The following PSG4 variants were observed in gnomAD, a reference collection of about 807,000 sequenced individuals.
PSG4 encodes the protein pregnancy-specific beta-1-glycoprotein 4.
In PSG4, 61 loss-of-function variants were observed where a neutral mutation model predicts 44.3. The observed-to-expected ratio is 1.38, with a 90% CI of 1.12 to 1.70. The LOEUF is 1.70. PSG4 is among the 40% of genes most tolerant of loss of function. PSG4 has a pLI of 0.00. For synonymous variants in PSG4, 248 were observed against 191.3 expected (o/e 1.30, Z -2.45); for missense variants, 677 against 511.7 (o/e 1.32, Z -3.12).
At chr19:43,200,767 G>T (rs1356442238) in intron 2 of PSG4, among the ~76,000 whole-genome samples, 1 of 145,378 alleles carries the variant, frequency 6.9e-6, no homozygotes, top group Non-Finnish European at 1.5e-5. Context: ...AGTAGAGACG[G>T]GGTTTCACCA....
At chr19:43,202,351 G>A (rs36073871) in intron 2 of PSG4, among the ~76,000 whole-genome samples, 35,762 of 141,106 alleles carry the variant, frequency 0.25, 6,760 homozygotes, top group African/African-American at 0.29. Flanking sequence ...TGGCCAAAGA[G>A]CTTCAGAGTT....
Position 43,197,703 on chromosome 19 carries a change from G to C in PSG4, c.709+294C>G, listed in dbSNP as rs1050930866. The C allele has an allele frequency of 1.8e-5, 10 of 542,060 alleles. 1 individual carries two copies. Among genetic ancestry groups the C allele is most frequent in the Non-Finnish European group, 2.7e-5 (9 of 336,962 alleles). 33.6% of individuals were successfully genotyped at this position (542,060 alleles called of 1,614,324 possible). A position where few individuals can be genotyped will look rare whatever the true frequency, so the allele number is the denominator to read the frequency against. ...CTGTGAGCCAAGTCGCAACACTGAAGTCCCAGCCAAATCCCCGCTGTGTTC... is the reference window on the plus strand; with the variant it reads ...CTGTGAGCCAAGTCGCAACACTGAACTCCCAGCCAAATCCCCGCTGTGTTC... On this transcript the variant is annotated intron_variant, in intron 3 of 5. Coordinates refer to ENST00000405312, the MANE Select transcript of PSG4 (RefSeq NM_002780.5).
rs1011807943 is a variant in PSG4 at position 43,200,139 on chromosome 19, C to T, written c.431-1864G>A. Among the ~76,000 whole-genome samples the T allele has an allele frequency of 2.7e-5, 4 of 145,548 alleles. 2 individuals carry two copies. Among genetic ancestry groups the T allele is most frequent in the African/African-American group, 5.3e-5 (2 of 37,932 alleles). On this transcript the variant is annotated intron_variant, in intron 2 of 5. Transcript: ENST00000405312. ...TTTCTGTTAAGCTCAGGAAATACCA[C>T]TAAAGTTTAAGTTTGTGTGAAATAG...
chr19:43,193,672 T>G (rs117906102), intron 5 of PSG4: 1 of 554,940 alleles, frequency 1.8e-6, no homozygotes, highest in Non-Finnish European at 3.2e-6. Flanking sequence ...GATTAAACTT[T>G]TACAAAACCC....
chr19:43,204,209 A>G lies in PSG4; in HGVS notation c.107T>C (p.Val36Ala), dbSNP rs773043844. ...TTTGGGTGGCTGGGCTTCAATCGTG[A>G]CTTGGGCAGTTGTGGGCGGATTCCA... ...NFWNPPTTAQ[V>A]TIEAQPPKVS... The change falls in exon 2 of 6, where the codon GTC becomes GCC. Residue 36 changes from valine to alanine, a missense_variant. Physicochemically the swap from Val to Ala is moderately conservative, Grantham distance 64. Coordinates refer to ENST00000405312, the MANE Select transcript of PSG4 (RefSeq NM_002780.5). 2 of 1,582,894 alleles carry G rather than the reference A, an allele frequency of 1.3e-6. No homozygotes were observed. The highest frequency in any genetic ancestry group is 2.2e-5 in the South Asian group (2 of 89,604).
rs764077483 is a variant in PSG4 at position 43,203,967 on chromosome 19, C to T, written c.349G>A (p.Ala117Thr). 1.1e-5 allele frequency: 17 copies of T among 1,587,564 alleles called. 1 individual carries two copies. The highest frequency in any genetic ancestry group is 1.4e-5 in the Non-Finnish European group (16 of 1,171,658). ...LLIQNVTQED[A>T]GSYTLHIIKR... is the part of the protein sequence containing the mutation. ...ATGATGTGTAAGGTGTAGGATCCTG[C>T]ATCCTCCTGCGTGACATTCTGGATC... is the stretch of plus-strand genomic sequence containing the variant. The change falls in exon 2 of 6, where the codon GCA becomes ACA. Residue 117 changes from alanine to threonine, a missense_variant. Physicochemically the swap from Ala to Thr is moderately conservative, Grantham distance 58. Transcript: ENST00000405312.
intron 2 of PSG4, among the ~76,000 whole-genome samples, chr19:43,200,264 C>A (rs1423246682): frequency 1.4e-5 from 2 of 144,842 alleles, no homozygotes; most frequent in Non-Finnish European, 3.0e-5. Flanking sequence ...TTGTATGTGG[C>A]ACAGGCAGTA....
In PSG4 at chr19:43,203,949, G is replaced by T; in HGVS notation, c.367C>A (p.His123Asn). Residue 123 changes from histidine to asparagine, a missense_variant, in exon 2 of 6, where the codon CAC becomes AAC. Coordinates refer to ENST00000405312, the MANE Select transcript of PSG4 (RefSeq NM_002780.5). ...GTCCCATCGCGTCGCTTTATGATGTGTAAGGTGTAGGATCCTGCATCCTCC... is the reference window on the plus strand; with the variant it reads ...GTCCCATCGCGTCGCTTTATGATGTTTAAGGTGTAGGATCCTGCATCCTCC... ...TQEDAGSYTL[H>N]IIKRRDGTGG... 6.3e-7 allele frequency: 1 copy of T among 1,587,240 alleles called. No homozygotes were observed. The highest frequency in any genetic ancestry group is 1.1e-5 in the South Asian group (1 of 89,898).
intron 3 of PSG4, 71 bp from the exon 4 acceptor site, chr19:43,195,344 G>C: frequency 6.4e-7 from 1 of 1,573,462 alleles, no homozygotes; most frequent in Non-Finnish European, 8.6e-7. Flanking sequence ...ACTTCAATCA[G>C]AGTTGGCATC....
intron 2 of PSG4, among the ~76,000 whole-genome samples, chr19:43,199,454 A>G (rs1411537185): frequency 6.9e-6 from 1 of 145,754 alleles, no homozygotes; most frequent in Non-Finnish European, 1.5e-5. Flanking sequence ...AGGTTAAAAC[A>G]AAGTGTTTTC....
intron 5 of PSG4, 83 bp downstream of exon 5, chr19:43,194,256 TA>T (rs1967127654): frequency 4.4e-6 from 7 of 1,606,220 alleles, no homozygotes; most frequent in Middle Eastern, 2.1e-4. Context: ...AGGCTGGGAA[TA>T]AAAATGTTTT....
At position 43,193,625 on chromosome 19, in the gene PSG4, G is replaced by T. The variant is rs566663696; in HGVS notation, c.1244-237C>A. 8.7e-6 allele frequency: 5 copies of T among 575,688 alleles called. No homozygotes were observed. In the Admixed American group the frequency reaches 9.6e-5, roughly 11 times the overall value. 35.7% of individuals were successfully genotyped at this position (575,688 alleles called of 1,614,324 possible). On this transcript the variant is annotated intron_variant, in intron 5 of 5. Transcript: ENST00000405312. ...AATAGACCATGTAGGCGCTCTTTTA[G>T]AATTTTATTTGCTCTAAGTTTTTAT...
In PSG4 at chr19:43,193,018, G is replaced by A. The variant is rs553044366; in HGVS notation, c.*354C>T. ...TTGTTACCCTCAGAAGCTACTACAT[G>A]TGAAATTCTAATGACTGCATTATCC... On this transcript the variant is annotated 3_prime_UTR_variant, in exon 6 of 6. Coordinates refer to ENST00000405312, the MANE Select transcript of PSG4 (RefSeq NM_002780.5). The A allele has an allele frequency of 2.2e-5, 12 of 556,820 alleles. No individual in the cohort carries two copies. In the South Asian group the frequency reaches 2.4e-4, roughly 11 times the overall value. 34.5% of individuals were successfully genotyped at this position (556,820 alleles called of 1,614,324 possible).
In PSG4 at chr19:43,203,177, C is replaced by G. The variant is rs575345384; in HGVS notation, c.430+709G>C. 3 of 146,914 alleles carry G rather than the reference C, an allele frequency of 2.0e-5. 1 individual carries two copies. Among genetic ancestry groups the G allele is most frequent in the Non-Finnish European group, 4.4e-5 (3 of 67,874 alleles). 9.1% of individuals were successfully genotyped at this position (146,914 alleles called of 1,614,324 possible). A position where few individuals can be genotyped will look rare whatever the true frequency, so the allele number is the denominator to read the frequency against. On this transcript the variant is annotated intron_variant, in intron 2 of 5. Coordinates refer to ENST00000405312, the MANE Select transcript of PSG4 (RefSeq NM_002780.5). ...CACCTTTACATCAGATCCCTGTGGA[C>G]AATCTGCTACCAGGTACATCTTCTC...
At position 43,196,324 on chromosome 19, in the gene PSG4, G is replaced by A. The variant is rs1167276421; in HGVS notation, c.710-1051C>T. On this transcript the variant is annotated intron_variant, in intron 3 of 5. Coordinates refer to ENST00000405312, the MANE Select transcript of PSG4 (RefSeq NM_002780.5). ...TGCTGTTTGCCAGGAGCTGGGAGTG[G>A]GGAGAATCAGAAGTTGTTCATGGGT... 3 of 151,614 alleles carry A rather than the reference G, an allele frequency of 2.0e-5. 1 individual carries two copies. The highest frequency in any genetic ancestry group is 4.9e-5 in the African/African-American group (2 of 41,140). The allele number at this position is 151,614 out of a possible 1,614,324, so 9.4% of individuals were successfully genotyped here.
intron 4 of PSG4, 36 bp downstream of exon 4, chr19:43,194,959 G>A (rs1423297938): frequency 6.2e-7 from 1 of 1,603,696 alleles, no homozygotes. Flanking sequence ...GATTTAAGCT[G>A]GTGTCCTGGC....
chr19:43,205,545 C>T lies in PSG4; in HGVS notation c.-9G>A. ...GCTGAGAGGGGCCCCATGGTCTCTG[C>T]TGCTTGTGTGTTCTCCTCTGTGGAG... On this transcript the variant is annotated 5_prime_UTR_variant, in exon 1 of 6. Coordinates refer to ENST00000405312, the MANE Select transcript of PSG4 (RefSeq NM_002780.5). 6 of 1,547,198 alleles carry T rather than the reference C, an allele frequency of 3.9e-6. 2 individuals carry two copies. Among genetic ancestry groups the T allele is most frequent in the African/African-American group, 1.5e-5 (1 of 67,512 alleles).
intron 2 of PSG4, among the ~76,000 whole-genome samples, chr19:43,201,017 G>A (rs1430678682): frequency 6.9e-6 from 1 of 145,954 alleles, no homozygotes; most frequent in Non-Finnish European, 1.5e-5. Context: ...GTTGAGGATG[G>A]AGTCCCAAGT....
rs768054043 is a variant in PSG4 at position 43,198,130 on chromosome 19, C to A, written c.576G>T (p.Arg192Ser). 1 of 1,587,602 alleles carries A rather than the reference C, an allele frequency of 6.3e-7. No homozygotes were observed. Among genetic ancestry groups the A allele is most frequent in the African/African-American group, 1.4e-5 (1 of 69,522 alleles). Residue 192 changes from arginine to serine, a missense_variant, in exon 3 of 6, where the codon AGG (arginine) becomes AGT (serine). Physicochemically the swap from Arg to Ser is moderately radical, Grantham distance 110. Coordinates refer to ENST00000405312, the MANE Select transcript of PSG4 (RefSeq NM_002780.5). ...MNGQSLPMTH[R>S]LQLSKTNRTL... ...TCCTGTTGGTTTTGGACAGCTGCAACCTGTGAGTCATAGGGAGGCTCTGAC... is the reference window on the plus strand; with the variant it reads ...TCCTGTTGGTTTTGGACAGCTGCAAACTGTGAGTCATAGGGAGGCTCTGAC...
Sources: gnomAD v4.1 joint callset for allele counts (sites outside exome capture counted in the v4.1 genomes callset) on GRCh38, gnomAD v4.1.1 for gene constraint, MANE v1.5 for transcripts, NCBI Gene and HGNC (gene_info 2026-07-23, HGNC 2026-07-21) for gene names.